The following FHIP2A variants were observed in gnomAD, a reference collection of about 807,000 sequenced individuals.
FHIP2A encodes family with sequence similarity 160 member B1.
In FHIP2A, 46 loss-of-function variants were observed where a neutral mutation model predicts 93.5. That is an observed-to-expected ratio of 0.49 (90% confidence interval 0.39 to 0.63). The LOEUF (loss-of-function observed/expected upper bound fraction) is 0.63. Ranked by LOEUF, FHIP2A falls within the 20% of genes least tolerant of loss-of-function variation. The pLI is 0.00. For missense variants in FHIP2A, 769 were observed against 909.7 expected, an observed-to-expected ratio of 0.85 and a Z score of 1.99; for synonymous variants, 332 against 326.5, an observed-to-expected ratio of 1.02 and a Z score of -0.18.
chr10:114,861,077 T>C (rs1368708379), intron 15 of FHIP2A, among the ~76,000 whole-genome samples, 154 bp from the exon 16 acceptor site: 1 of 152,218 alleles, frequency 6.6e-6, no homozygotes, highest in Non-Finnish European at 1.5e-5. Context: ...TTTTAAAGAA[T>C]TAGGTATGAG....
intron 13 of FHIP2A, among the ~76,000 whole-genome samples, chr10:114,852,722 C>G (rs182588576): frequency 2.0e-4 from 31 of 152,318 alleles, no homozygotes; most frequent in Admixed American, 6.5e-4. Flanking sequence ...AAGTGTGGAT[C>G]TGAGAACCCC....
intron 3 of FHIP2A, among the ~76,000 whole-genome samples, chr10:114,834,425 G>A (rs1360228048): frequency 6.6e-6 from 1 of 152,166 alleles, no homozygotes; most frequent in East Asian, 1.9e-4. Flanking sequence ...TAATACAGGT[G>A]ATTGTAAATA....
At chr10:114,893,552 C>T (rs2143016402) in intron 16 of FHIP2A, among the ~76,000 whole-genome samples, 2 of 152,310 alleles carry the variant, frequency 1.3e-5, no homozygotes, top group South Asian at 4.2e-4. Flanking sequence ...TGAAAATCTT[C>T]CAATCCCTGA....
chr10:114,868,088 C>T (rs1447039005), downstream of FHIP2A, among the ~76,000 whole-genome samples: 1 of 151,928 alleles, frequency 6.6e-6, no homozygotes, highest in Non-Finnish European at 1.5e-5. Context: ...CCACCATGGC[C>T]AGCTATTTTT....
At position 114,878,589 on chromosome 10, in the gene FHIP2A, G is replaced by A. The variant is rs1592032049; in HGVS notation, c.2192+17255G>A. ...AGGTCAGGAGTTCAAGACCAGCCTG[G>A]CCAACATGGCGAAACCCCGTCTCTA... On this transcript the variant is annotated intron_variant, in intron 16 of 16. Coordinates refer to the FHIP2A transcript ENST00000369250. Among the ~76,000 whole-genome samples the A allele has an allele frequency of 2.0e-5, 3 of 152,182 alleles. No individual in the cohort carries two copies. In the East Asian group the frequency reaches 5.8e-4, roughly 29 times the overall value.
intron 16 of FHIP2A, among the ~76,000 whole-genome samples, chr10:114,882,734 G>T (rs1408341983): frequency 6.6e-6 from 1 of 152,082 alleles, no homozygotes; most frequent in African/African-American, 2.4e-5. Context: ...AATTAGCCAG[G>T]CATGGTGGTA....
chr10:114,881,594 T>C (rs2083917308), intron 16 of FHIP2A, among the ~76,000 whole-genome samples: 1 of 152,122 alleles, frequency 6.6e-6, no homozygotes, highest in Non-Finnish European at 1.5e-5. Context: ...ATAAATATTT[T>C]AGAGAAGCCT....
chr10:114,881,999 A>C (rs904986366), intron 16 of FHIP2A, among the ~76,000 whole-genome samples: 1 of 152,166 alleles, frequency 6.6e-6, no homozygotes, highest in Non-Finnish European at 1.5e-5. Context: ...GTTTGTTTGT[A>C]ATGACTTCGG....
In FHIP2A at chr10:114,833,577, T is replaced by C. The variant is rs1377712376; in HGVS notation, c.294+175T>C. On this transcript the variant is annotated intron_variant, in intron 3 of 16. Coordinates refer to ENST00000369248, the MANE Select transcript of FHIP2A (RefSeq NM_020940.4). Reference sequence around the variant, plus strand: ...GCCTATACAAATATGTCCATAGAGATAGAAAGATTCCAAACACTCTAGACA... The same window carrying C: ...GCCTATACAAATATGTCCATAGAGACAGAAAGATTCCAAACACTCTAGACA... The C allele has an allele frequency of 2.5e-5, 14 of 562,300 alleles. No homozygotes were observed. In the Admixed American group the frequency reaches 4.4e-4, roughly 18 times the overall value. 34.8% of individuals were successfully genotyped at this position (562,300 alleles called of 1,614,324 possible).
chr10:114,881,584 A>G (rs1283881002), intron 16 of FHIP2A, among the ~76,000 whole-genome samples: 1 of 152,178 alleles, frequency 6.6e-6, no homozygotes, highest in Non-Finnish European at 1.5e-5. Context: ...CCTAACAGCC[A>G]TAAATATTTT....
chr10:114,899,443 T>A (rs1375971392), intron 16 of FHIP2A: 1 of 718,220 alleles, frequency 1.4e-6, no homozygotes, highest in South Asian at 1.5e-5. Context: ...TCCTCAGGGA[T>A]CAGCCGTCTT....
exon 17 of FHIP2A, chr10:114,899,714 G>T: frequency 2.1e-6 from 1 of 482,408 alleles, no homozygotes. Context: ...CAAAACAAGG[G>T]AATCCAGAGT....
At chr10:114,827,621 C>T (rs1260797752) in intron 1 of FHIP2A, among the ~76,000 whole-genome samples, 4 of 152,024 alleles carry the variant, frequency 2.6e-5, no homozygotes, top group African/African-American at 9.7e-5. Flanking sequence ...CACGGTGAAA[C>T]CCTGTCTCTA....
chr10:114,862,290 C>T lies in FHIP2A; in HGVS notation c.*750C>T. 1.0e-6 allele frequency: 1 copy of T among 987,278 alleles called. No individual in the cohort carries two copies. Among genetic ancestry groups the T allele is most frequent in the Non-Finnish European group, 1.2e-6 (1 of 830,104 alleles). The allele number at this position is 987,278 out of a possible 1,614,324, so 61.2% of individuals were successfully genotyped here. On this transcript the variant is annotated 3_prime_UTR_variant, in exon 17 of 17. Coordinates refer to ENST00000369248, the MANE Select transcript of FHIP2A (RefSeq NM_020940.4). ...TCGCAGCAGTGTTCAATTTGCTCACCATTGGTAGTGTTTGCTAAAATTGTA... is the reference window on the plus strand; with the variant it reads ...TCGCAGCAGTGTTCAATTTGCTCACTATTGGTAGTGTTTGCTAAAATTGTA...
intron 1 of FHIP2A, among the ~76,000 whole-genome samples, chr10:114,826,429 CA>C (rs1287276823): frequency 6.6e-6 from 1 of 152,200 alleles, no homozygotes; most frequent in African/African-American, 2.4e-5. Flanking sequence ...TTAAACCTAT[CA>C]TAGAATTGTT....
chr10:114,872,414 A>T (rs1456885766), intron 16 of FHIP2A, among the ~76,000 whole-genome samples: 1 of 152,162 alleles, frequency 6.6e-6, no homozygotes, highest in Admixed American at 6.5e-5. Flanking sequence ...AACCCACACA[A>T]TTTAATTATG....
chr10:114,835,339 C>T (rs905909597), intron 3 of FHIP2A, among the ~76,000 whole-genome samples, 198 bp from the exon 4 acceptor site: 4 of 152,122 alleles, frequency 2.6e-5, no homozygotes, highest in Non-Finnish European at 1.5e-5. Context: ...CTCAGATATA[C>T]AATATTATTT....
intron 7 of FHIP2A, among the ~76,000 whole-genome samples, chr10:114,844,951 A>ATTT (rs5788084): frequency 7.1e-6 from 1 of 141,124 alleles, no homozygotes; most frequent in Non-Finnish European, 1.5e-5. Flanking sequence ...TGCCCAGCTA[A>ATTT]TTTTTTTTTT....
intron 16 of FHIP2A, among the ~76,000 whole-genome samples, chr10:114,876,315 G>T (rs2083889071): frequency 6.6e-6 from 1 of 152,174 alleles, no homozygotes. Flanking sequence ...TTGGCACTGA[G>T]CCTCCTAATG....
Sources: gnomAD v4.1 joint callset for allele counts (sites outside exome capture counted in the v4.1 genomes callset) on GRCh38, gnomAD v4.1.1 for gene constraint, MANE v1.5 for transcripts, NCBI Gene and HGNC (gene_info 2026-07-23, HGNC 2026-07-21) for gene names.